The following TULP4 variants were observed in gnomAD, a reference collection of about 807,000 sequenced individuals.
TULP4 encodes the protein tubby-related protein 4.
TULP4 carries 16 observed loss-of-function variants against 129.0 expected under a neutral mutation model. The ratio of observed to expected loss-of-function variants is 0.12; its 90% CI spans 0.08 to 0.19. The LOEUF (loss-of-function observed/expected upper bound fraction) is 0.19. Among genes scored for constraint, TULP4 ranks in the 10% least tolerant of loss-of-function variants. TULP4 has a pLI of 1.00. For synonymous variants in TULP4, 998 were observed against 854.0 expected (o/e 1.17, Z -2.94); for missense variants, 1,842 against 2,059.1 (o/e 0.89, Z 2.04).
chr6:158,384,465 T>A (rs915887386), intron 1 of TULP4, among the ~76,000 whole-genome samples: 2 of 152,084 alleles, frequency 1.3e-5, no homozygotes, highest in Admixed American at 6.5e-5. Context: ...TTTTTTTGTA[T>A]TTTTAGTAGA....
At position 158,493,746 on chromosome 6, in the gene TULP4, TC is replaced by T; in HGVS notation, c.1776+33del. 1 of 1,512,348 alleles carries T rather than the reference TC, an allele frequency of 6.6e-7. No homozygotes were observed. The allele number at this position is 1,512,348 out of a possible 1,614,324, so 93.7% of individuals were successfully genotyped here. A position where few individuals can be genotyped will look rare whatever the true frequency, so the allele number is the denominator to read the frequency against. The stretch of plus-strand genomic sequence containing the variant: ...GGAGCCCCCAGTTACCCTGCCTTGC[TC>T]CCCTCCTCCTGGGGGCTATGCCCAG... On this transcript the variant is annotated intron_variant, in intron 10 of 13. Transcript: ENST00000367097. This position sits in a 1 kb window ranked among gnomAD's most constrained non-coding sequence, Gnocchi z 4.4.
chr6:158,254,010 G>A (rs551585592), intron 1 of TULP4, among the ~76,000 whole-genome samples: 1 of 152,038 alleles, frequency 6.6e-6, no homozygotes, highest in East Asian at 1.9e-4. Context: ...CTGTACTCCA[G>A]CCTGGGTGAT....
At chr6:158,300,213 C>A (rs142223020) in intron 1 of TULP4, among the ~76,000 whole-genome samples, 11 of 152,280 alleles carry the variant, frequency 7.2e-5, no homozygotes, top group Non-Finnish European at 1.3e-4. Context: ...TGATGATCTC[C>A]TGGTGAAACA....
chr6:158,374,507 A>G (rs1316395955), intron 1 of TULP4, among the ~76,000 whole-genome samples: 1 of 152,230 alleles, frequency 6.6e-6, no homozygotes, highest in African/African-American at 2.4e-5. Context: ...GAGACTTGTC[A>G]CAGGAATAGA....
chr6:158,417,606 C>G (rs1167513409), intron 2 of TULP4, among the ~76,000 whole-genome samples: 1 of 152,094 alleles, frequency 6.6e-6, no homozygotes, highest in Non-Finnish European at 1.5e-5. Flanking sequence ...AAAAGGACAC[C>G]ACACACTGGT....
chr6:158,272,046 G>A (rs1215038471), intron 1 of TULP4, among the ~76,000 whole-genome samples: 1 of 152,170 alleles, frequency 6.6e-6, no homozygotes, highest in Non-Finnish European at 1.5e-5. Flanking sequence ...GAAGGGGCTG[G>A]TTAAGTACCC....
At chr6:158,380,816 C>T (rs1777304066) in intron 1 of TULP4, among the ~76,000 whole-genome samples, 1 of 143,838 alleles carries the variant, frequency 7.0e-6, no homozygotes, top group Non-Finnish European at 1.5e-5. Context: ...ATTACTGGAA[C>T]CCAGGAGGCA....
Position 158,502,131 on chromosome 6 carries a change from C to T in TULP4, c.2468C>T (p.Pro823Leu). The T allele has an allele frequency of 6.2e-7, 1 of 1,605,892 alleles. No individual in the cohort carries two copies. The highest frequency in any genetic ancestry group is 2.2e-5 in the East Asian group (1 of 44,790). ...AEGDAVVFSAPQEVQVTKINP... is the reference protein window; with the variant it reads ...AEGDAVVFSALQEVQVTKINP... ...GGGGACGCAGTGGTCTTTAGTGCCC[C>T]CCAGGAGGTCCAGGTGACGAAGATA... The change falls in exon 13 of 14, where the codon CCC (proline) becomes CTC (leucine). Residue 823 changes from proline to leucine, a missense_variant. Around this residue, in one of 5 missense-constraint regions of TULP4, gnomAD observed 1,089 missense variants for 987.1 expected, o/e 1.10. Coordinates refer to ENST00000367097, the MANE Select transcript of TULP4 (RefSeq NM_020245.5).
chr6:158,360,258 C>T (rs940395335), intron 1 of TULP4, among the ~76,000 whole-genome samples: 3 of 152,088 alleles, frequency 2.0e-5, no homozygotes, highest in Non-Finnish European at 4.4e-5. Context: ...AGTGTCACTC[C>T]GGGTGTAGCA....
intron 6 of TULP4, among the ~76,000 whole-genome samples, chr6:158,473,875 T>C (rs1779750619): frequency 6.6e-6 from 1 of 151,854 alleles, no homozygotes; most frequent in Admixed American, 6.6e-5. Context: ...TGGAGTGCAG[T>C]GGCATGATCA....
intron 1 of TULP4, among the ~76,000 whole-genome samples, chr6:158,244,670 CT>C (rs1038748136): frequency 3.3e-5 from 5 of 152,124 alleles, no homozygotes; most frequent in African/African-American, 1.2e-4. Flanking sequence ...TGATCTTAGA[CT>C]TTTAGCCTCC....
chr6:158,463,940 A>G (rs1050450997), intron 6 of TULP4, among the ~76,000 whole-genome samples: 1 of 152,056 alleles, frequency 6.6e-6, no homozygotes, highest in Non-Finnish European at 1.5e-5. Flanking sequence ...GCACCTTTTC[A>G]TCTTGCAAAA....
chr6:158,305,893 A>G (rs1435393231), intron 1 of TULP4, among the ~76,000 whole-genome samples: 1 of 152,120 alleles, frequency 6.6e-6, no homozygotes, highest in Non-Finnish European at 1.5e-5. Context: ...TTCCTTGGAA[A>G]CTTAATCAGT....
intron 1 of TULP4, among the ~76,000 whole-genome samples, chr6:158,299,440 A>T (rs945712963): frequency 1.3e-5 from 2 of 152,110 alleles, no homozygotes; most frequent in African/African-American, 2.4e-5. Context: ...CTACAGGTTT[A>T]TATTGAAGGT....
chr6:158,371,855 G>A (rs1777076860), intron 1 of TULP4, among the ~76,000 whole-genome samples: 1 of 152,166 alleles, frequency 6.6e-6, no homozygotes, highest in Non-Finnish European at 1.5e-5. Context: ...CTTTCTGTCA[G>A]CCAGACTGGA....
At chr6:158,365,222 C>T (rs986978419) in intron 1 of TULP4, among the ~76,000 whole-genome samples, 2 of 151,968 alleles carry the variant, frequency 1.3e-5, no homozygotes, top group Non-Finnish European at 2.9e-5. Flanking sequence ...TATGTTACTT[C>T]ACTTCTCATA....
chr6:158,368,769 A>G (rs1207111335), intron 1 of TULP4, among the ~76,000 whole-genome samples: 2 of 152,236 alleles, frequency 1.3e-5, no homozygotes, highest in African/African-American at 4.8e-5. Flanking sequence ...TAAAATATAC[A>G]CACATACTCT....
intron 1 of TULP4, among the ~76,000 whole-genome samples, chr6:158,240,751 CCCCCCCACCTCCCT>C (rs1777877037): frequency 7.6e-6 from 1 of 132,220 alleles, no homozygotes; most frequent in Non-Finnish European, 1.7e-5. Context: ...GGGGGGCTGA[CCCCCCCACCTCCCT>C]CCCGGTCGGC....
intron 1 of TULP4, among the ~76,000 whole-genome samples, chr6:158,274,196 T>G (rs181044427): frequency 8.9e-4 from 135 of 152,078 alleles, no homozygotes; most frequent in Non-Finnish European, 5.9e-5. Flanking sequence ...AGGTGGAGGT[T>G]GTAATGAGCC....
Sources: gnomAD v4.1 joint callset for allele counts (sites outside exome capture counted in the v4.1 genomes callset) on GRCh38, gnomAD v4.1.1 for gene constraint, gnomAD v4.1.1 regional missense constraint, Gnocchi (gnomAD v3.1) non-coding constraint, MANE v1.5 for transcripts, NCBI Gene and HGNC (gene_info 2026-07-23, HGNC 2026-07-21) for gene names.